DUS2: variants seen among roughly 807,000 people sequenced by gnomAD.
DUS2 encodes tRNA-dihydrouridine(20) synthase [NAD(P)+]-like.
In DUS2, 52 loss-of-function variants were observed where a neutral mutation model predicts 71.3. The observed-to-expected ratio is 0.73, with a 90% confidence interval of 0.58 to 0.92. The LOEUF is 0.92. DUS2 is among the 40% of genes least tolerant of loss of function. The probability of loss-of-function intolerance (pLI) is 0.00; values close to 1 mark genes in which losing one functional copy is unlikely to be tolerated. For missense variants in DUS2, 558 were observed against 622.6 expected, an observed-to-expected ratio of 0.90 and a Z score of 1.10; for synonymous variants, 204 against 227.8, an observed-to-expected ratio of 0.90 and a Z score of 0.94.
At chr16:68,046,775 C>T (rs2033707853) in intron 3 of DUS2, among the ~76,000 whole-genome samples, 1 of 149,084 alleles carries the variant, frequency 6.7e-6, no homozygotes, top group Non-Finnish European at 1.5e-5. Flanking sequence ...GAGACGAAGT[C>T]TTGCTCTGTC....
chr16:68,078,438 G>T lies in DUS2; in HGVS notation c.1171-7G>T. On this transcript the variant is annotated splice_region_variant and splice_polypyrimidine_tract_variant and intron_variant, in intron 15 of 16. Transcript: ENST00000565263. ...TGGCCATGTGATTCCTTTTCTCTTT[G>T]TATCAGGTTCAACGCCCTCTAGATC... The T allele has an allele frequency of 1.2e-6, 2 of 1,613,922 alleles. No homozygotes were observed. The highest frequency in any genetic ancestry group is 2.2e-5 in the South Asian group (2 of 91,082).
intron 13 of DUS2, among the ~76,000 whole-genome samples, chr16:68,074,549 T>A (rs774244818): frequency 6.6e-6 from 1 of 152,216 alleles, no homozygotes; most frequent in African/African-American, 2.4e-5. Context: ...GTTGATTCTC[T>A]AGATCAGGTG....
In DUS2 at chr16:68,058,518, G is replaced by C. The variant is rs2033893896; in HGVS notation, c.369+2094G>C. ...AGGGATTACAGGTGTGAGCCACTGT[G>C]CCCGGTGGTTTTGCTGTTTTCTGAT... On this transcript the variant is annotated intron_variant, in intron 7 of 16. Coordinates refer to ENST00000565263, the MANE Select transcript of DUS2 (RefSeq NM_017803.5). Among the ~76,000 whole-genome samples the C allele has an allele frequency of 2.0e-5, 3 of 152,146 alleles. No individual in the cohort carries two copies. In the South Asian group the frequency reaches 6.2e-4, roughly 32 times the overall value.
intron 2 of DUS2, among the ~76,000 whole-genome samples, chr16:68,032,948 C>T (rs2033462664): frequency 6.9e-6 from 1 of 144,158 alleles, no homozygotes; most frequent in Non-Finnish European, 1.5e-5. Context: ...GCCAGGGTGG[C>T]CAGGGCCGAG....
chr16:68,075,680 T>C (rs554099505), intron 14 of DUS2, among the ~76,000 whole-genome samples, 176 bp downstream of exon 14: 3 of 152,230 alleles, frequency 2.0e-5, no homozygotes, highest in African/African-American at 7.2e-5. Context: ...TCAGGGGAGA[T>C]AGTCCCTGAA....
intron 2 of DUS2, among the ~76,000 whole-genome samples, chr16:68,030,931 A>G (rs2033428075): frequency 6.6e-6 from 1 of 152,062 alleles, no homozygotes. Context: ...TTTGGTAGAG[A>G]TGGGATCTTG....
intron 4 of DUS2, among the ~76,000 whole-genome samples, chr16:68,050,286 C>T (rs535976959): frequency 3.0e-4 from 46 of 152,040 alleles, no homozygotes; most frequent in African/African-American, 1.0e-3. Flanking sequence ...TACAGGTGCC[C>T]GCCACCACAC....
intron 3 of DUS2, among the ~76,000 whole-genome samples, chr16:68,040,110 G>A (rs2033600674): frequency 6.7e-6 from 1 of 150,034 alleles, no homozygotes; most frequent in African/African-American, 2.5e-5. Context: ...TTAAGACAGT[G>A]TCTCACTCTG....
At chr16:68,066,717 A>G (rs1288029561) in intron 10 of DUS2, 81 bp downstream of exon 10, 1 of 1,362,740 alleles carries the variant, frequency 7.3e-7, no homozygotes, top group South Asian at 1.2e-5. Flanking sequence ...CTGTCACCCC[A>G]AGTGACAGCC....
chr16:68,045,246 GTCTC>G (rs1053652097), intron 3 of DUS2, among the ~76,000 whole-genome samples: 5 of 151,968 alleles, frequency 3.3e-5, no homozygotes, highest in Non-Finnish European at 7.4e-5. Context: ...TTCTCTTTCT[GTCTC>G]TCTCTGTCTC....
chr16:68,053,522 C>A, intron 4 of DUS2, 42 bp from the exon 5 acceptor site: 1 of 1,597,198 alleles, frequency 6.3e-7, no homozygotes, highest in Non-Finnish European at 8.6e-7. Context: ...GTTGAACTTG[C>A]ATCTTCATTG....
chr16:68,036,641 T>C (rs1265127645), intron 2 of DUS2, among the ~76,000 whole-genome samples: 1 of 152,202 alleles, frequency 6.6e-6, no homozygotes, highest in Non-Finnish European at 1.5e-5. Context: ...GGTTTTGCCA[T>C]GTTGGCCAGG....
At chr16:68,023,399 T>C (rs1271612524) in intron 1 of DUS2, 48 bp downstream of exon 1, 2 of 671,440 alleles carry the variant, frequency 3.0e-6, no homozygotes, top group Admixed American at 3.3e-5. Flanking sequence ...CCGGCCAGCC[T>C]TGGGGAAGGG....
chr16:68,071,215 C>A, intron 12 of DUS2, 107 bp downstream of exon 12: 1 of 1,265,952 alleles, frequency 7.9e-7, no homozygotes. Context: ...TGCTGTTCCT[C>A]TCCTTTTCTT....
chr16:68,076,646 C>G lies in DUS2; in HGVS notation c.1097C>G (p.Ala366Gly). ...AVKFDRRAYP[A>G]QITPKMCLLE... ...CCTTTCCCCAGGAGAGCATACCCAG[C>G]CCAGATCACCCCTAAGATGTGCCTA... The change falls in exon 15 of 17, where the codon GCC becomes GGC. Residue 366 changes from alanine (A) to glycine (G), a missense_variant. Physicochemically the swap from Ala to Gly is moderately conservative, Grantham distance 60 (BLOSUM62 0). Transcript: ENST00000565263. The G allele has an allele frequency of 1.2e-6, 2 of 1,613,938 alleles. No homozygotes were observed. The highest frequency in any genetic ancestry group is 1.7e-6 in the Non-Finnish European group (2 of 1,179,862).
chr16:68,026,752 T>C (rs1391624609), intron 2 of DUS2, among the ~76,000 whole-genome samples: 1 of 151,940 alleles, frequency 6.6e-6, no homozygotes, highest in Non-Finnish European at 1.5e-5. Context: ...GGCAGGCACC[T>C]GTAATCCCAG....
At chr16:68,068,875 C>T (rs1442281435) in intron 10 of DUS2, among the ~76,000 whole-genome samples, 2 of 151,154 alleles carry the variant, frequency 1.3e-5, no homozygotes, top group Non-Finnish European at 2.9e-5. Flanking sequence ...GCAGGGATTA[C>T]AGGCGTGAGC....
intron 14 of DUS2, among the ~76,000 whole-genome samples, chr16:68,076,084 G>A (rs1173946073): frequency 2.0e-5 from 3 of 152,194 alleles, no homozygotes; most frequent in Non-Finnish European, 4.4e-5. Context: ...GCAGTCAGAT[G>A]CCAGGGAGAG....
At chr16:68,070,887 A>C in intron 11 of DUS2, 53 bp from the exon 12 acceptor site, 1 of 1,588,160 alleles carries the variant, frequency 6.3e-7, no homozygotes, top group Non-Finnish European at 8.6e-7. Context: ...TTTTCTGAAA[A>C]TGCTGATAGG....
Sources: gnomAD v4.1 joint callset for allele counts (sites outside exome capture counted in the v4.1 genomes callset) on GRCh38, gnomAD v4.1.1 for gene constraint, MANE v1.5 for transcripts, NCBI Gene and HGNC (gene_info 2026-07-23, HGNC 2026-07-21) for gene names.